The following NUP205 variants were observed in gnomAD, a reference collection of about 807,000 sequenced individuals.
NUP205 encodes the protein nuclear pore complex protein Nup205.
In NUP205, 76 loss-of-function variants were observed where a neutral mutation model predicts 253.8. The observed-to-expected ratio is 0.30, with a 90% CI of 0.25 to 0.36. NUP205 has a LOEUF of 0.36. Among genes scored for constraint, NUP205 ranks in the 10% least tolerant of loss-of-function variants. The pLI is 1.00. For missense variants in NUP205, 2,162 were observed against 2,425.5 expected, an observed-to-expected ratio of 0.89 and a Z score of 2.28; for synonymous variants, 832 against 850.1, an observed-to-expected ratio of 0.98 and a Z score of 0.37.
At position 135,606,746 on chromosome 7, in the gene NUP205, T is replaced by C; in HGVS notation, c.2906-5T>C. On this transcript the variant is annotated splice_region_variant and splice_polypyrimidine_tract_variant and intron_variant, in intron 20 of 42. Transcript: ENST00000285968. The stretch of plus-strand genomic sequence containing the variant: ...GTAATTTTGTTTTGTGATTTCTGCA[T>C]TAAGGATCAGAACTTGAAAAGAAAT... The C allele has an allele frequency of 6.2e-7, 1 of 1,611,818 alleles. No individual in the cohort carries two copies. The highest frequency in any genetic ancestry group is 8.5e-7 in the Non-Finnish European group (1 of 1,178,302).
chr7:135,589,674 TA>T (rs1806570694), intron 10 of NUP205, among the ~76,000 whole-genome samples: 1 of 151,422 alleles, frequency 6.6e-6, no homozygotes, highest in Non-Finnish European at 1.5e-5. Flanking sequence ...TTCACACCTG[TA>T]ATACTTGCAC....
chr7:135,603,087 T>G (rs1793997693), intron 18 of NUP205, 93 bp downstream of exon 18: 9 of 815,844 alleles, frequency 1.1e-5, no homozygotes, highest in Non-Finnish European at 1.3e-5. Context: ...TGCATCACCT[T>G]TTTTTTTATT....
intron 30 of NUP205, among the ~76,000 whole-genome samples, chr7:135,620,438 C>G (rs1462447595): frequency 6.6e-6 from 1 of 152,170 alleles, no homozygotes; most frequent in Non-Finnish European, 1.5e-5. Context: ...GAGGCTGAAG[C>G]AGGAGAATCG....
At position 135,594,652 on chromosome 7, in the gene NUP205, C is replaced by G; in HGVS notation, c.1936C>G (p.Leu646Val). 6.2e-7 allele frequency: 1 copy of G among 1,613,878 alleles called. No homozygotes were observed. Among genetic ancestry groups the G allele is most frequent in the Non-Finnish European group, 8.5e-7 (1 of 1,179,844 alleles). Residue 646 changes from leucine (L) to valine (V), a missense_variant, in exon 13 of 43, where the codon CTA (leucine) becomes GTA (valine). Physicochemically the swap from Leu to Val is conservative, Grantham distance 32. Transcript: ENST00000285968. ...CSIPPVLKAE[L>V]LKTLAAFGKS... is the part of the protein sequence containing the mutation. ...TATTCCCCCTGTCCTAAAAGCTGAG[C>G]TACTGAAGACACTCGCAGCTTTTGG...
intron 15 of NUP205, among the ~76,000 whole-genome samples, chr7:135,599,841 T>C (rs1435665752): frequency 6.6e-6 from 1 of 152,216 alleles, no homozygotes; most frequent in Non-Finnish European, 1.5e-5. Flanking sequence ...TTTAGGACAC[T>C]AGCTGCTCAC....
intron 38 of NUP205, among the ~76,000 whole-genome samples, chr7:135,639,213 T>G (rs1794873283): frequency 6.6e-6 from 1 of 152,108 alleles, no homozygotes; most frequent in African/African-American, 2.4e-5. Flanking sequence ...AAAAAGCCCA[T>G]TAGTATCTTG....
At chr7:135,571,370 A>G in intron 2 of NUP205, 123 bp downstream of exon 2, 1 of 545,156 alleles carries the variant, frequency 1.8e-6, no homozygotes, top group South Asian at 4.6e-5. Flanking sequence ...TTACTGTGCC[A>G]CAGTCTCATG....
At chr7:135,623,690 T>C (rs1794522567) in intron 31 of NUP205, among the ~76,000 whole-genome samples, 1 of 152,228 alleles carries the variant, frequency 6.6e-6, no homozygotes, top group African/African-American at 2.4e-5. Flanking sequence ...TGTAGCAAAA[T>C]TATGTAGCAA....
At chr7:135,597,323 G>T in intron 13 of NUP205, 45 bp from the exon 14 acceptor site, 1 of 1,415,116 alleles carries the variant, frequency 7.1e-7, no homozygotes, top group Non-Finnish European at 1.0e-6. Flanking sequence ...AATATTCATT[G>T]ATGAATGAGG....
intron 7 of NUP205, among the ~76,000 whole-genome samples, chr7:135,580,418 A>G (rs533904761): frequency 1.3e-5 from 2 of 152,280 alleles, no homozygotes; most frequent in African/African-American, 4.8e-5. Flanking sequence ...TACTTTTCTG[A>G]CATAAAGTTA....
Position 135,594,538 on chromosome 7 carries a change from A to G in NUP205, c.1831-9A>G, listed in dbSNP as rs746494381. ...TGGAAAGTCTCATTCTTTTTGTGTC[A>G]ATTCTTAGAGTGAAAATGCTCGCTT... On this transcript the variant is annotated splice_polypyrimidine_tract_variant and intron_variant, in intron 12 of 42. Coordinates refer to ENST00000285968, the MANE Select transcript of NUP205 (RefSeq NM_015135.3). 2 of 1,568,446 alleles carry G rather than the reference A, an allele frequency of 1.3e-6. No homozygotes were observed. The highest frequency in any genetic ancestry group is 1.4e-5 in the African/African-American group (1 of 72,446).
In NUP205 at chr7:135,591,522, A is replaced by T; in HGVS notation, c.1546A>T (p.Met516Leu). 1.2e-6 allele frequency: 2 copies of T among 1,614,062 alleles called. No homozygotes were observed. Among genetic ancestry groups the T allele is most frequent in the Non-Finnish European group, 1.7e-6 (2 of 1,179,928 alleles). The change falls in exon 11 of 43, where the codon ATG (methionine) becomes TTG (leucine). Residue 516 changes from methionine to leucine, a missense_variant. Physicochemically the swap from Met to Leu is conservative, Grantham distance 15. Around this residue, in one of 5 missense-constraint regions of NUP205, gnomAD observed 892 missense variants for 957.1 expected, o/e 0.93. Transcript: ENST00000285968. The stretch of plus-strand genomic sequence containing the variant: ...AACTATTTATATTCCTTATTTGAAG[A>T]TGCTCCAGGGATTGGCCAATGGGCC... ...PPTIYIPYLK[M>L]LQGLANGPQC... is the part of the protein sequence containing the mutation.
At position 135,601,296 on chromosome 7, in the gene NUP205, A is replaced by G. The variant is rs2129490538; in HGVS notation, c.2375-74A>G. The G allele has an allele frequency of 6.8e-6, 9 of 1,333,000 alleles. No homozygotes were observed. The South Asian group carries it at 1.1e-4, about 16-fold the overall frequency. The allele number at this position is 1,333,000 out of a possible 1,614,324, so 82.6% of individuals were successfully genotyped here. A position where few individuals can be genotyped will look rare whatever the true frequency, so the allele number is the denominator to read the frequency against. ...ATGCCATCTAATTTACAAGTCTCAT[A>G]CATTTCATATAAATCAAGGGTGTGA... On this transcript the variant is annotated intron_variant, in intron 16 of 42. Coordinates refer to ENST00000285968, the MANE Select transcript of NUP205 (RefSeq NM_015135.3).
chr7:135,625,133 T>A, intron 31 of NUP205, 31 bp from the exon 32 acceptor site: 1 of 1,564,724 alleles, frequency 6.4e-7, no homozygotes, highest in South Asian at 1.2e-5. Context: ...AGCATCTACA[T>A]GTTTTGGACT....
chr7:135,646,950 G>C (rs1365213910), intron 42 of NUP205, among the ~76,000 whole-genome samples: 3 of 152,100 alleles, frequency 2.0e-5, no homozygotes, highest in Non-Finnish European at 2.9e-5. Flanking sequence ...GAACTTTTTA[G>C]GTACAAAGTA....
At chr7:135,618,727 G>T (rs1177114361) in intron 28 of NUP205, 124 bp downstream of exon 28, 1 of 753,132 alleles carries the variant, frequency 1.3e-6, no homozygotes, top group South Asian at 1.8e-5. Flanking sequence ...CAATACCAAC[G>T]TTAAGACTTT....
intron 7 of NUP205, among the ~76,000 whole-genome samples, chr7:135,582,957 G>A (rs1247993280): frequency 6.6e-6 from 1 of 152,090 alleles, no homozygotes; most frequent in East Asian, 1.9e-4. Context: ...AGGCGTGGTG[G>A]TGCGTGCCTA....
At chr7:135,565,007 G>T (rs893785262) in intron 1 of NUP205, among the ~76,000 whole-genome samples, 37 of 152,214 alleles carry the variant, frequency 2.4e-4, no homozygotes, top group East Asian at 5.8e-4. Flanking sequence ...GACCTCAAGT[G>T]ATCTGCCCGC....
intron 1 of NUP205, among the ~76,000 whole-genome samples, chr7:135,567,132 A>G (rs1421271458): frequency 3.5e-3 from 22 of 6,238 alleles, no homozygotes; most frequent in African/African-American, 7.5e-3. Flanking sequence ...ATGTGTGTAT[A>G]TATATATATA....
Sources: gnomAD v4.1 joint callset for allele counts (sites outside exome capture counted in the v4.1 genomes callset) on GRCh38, gnomAD v4.1.1 for gene constraint, gnomAD v4.1.1 regional missense constraint, MANE v1.5 for transcripts, NCBI Gene and HGNC (gene_info 2026-07-23, HGNC 2026-07-21) for gene names.